CECR2: variants seen among roughly 807,000 people sequenced by gnomAD.
CECR2 encodes the protein CECR2 histone acetyl-lysine reader, also known as chromatin remodeling regulator CECR2.
CECR2 carries 30 observed loss-of-function variants against 154.5 expected under a neutral mutation model. The observed-to-expected ratio is 0.19, with a 90% confidence interval of 0.15 to 0.26. The LOEUF (loss-of-function observed/expected upper bound fraction) is 0.26, where lower values mean the gene tolerates loss of function less well. Among genes scored for constraint, CECR2 ranks in the 10% least tolerant of loss-of-function variants. The pLI, the probability that CECR2 is intolerant of heterozygous loss-of-function variation, is 1.00. For synonymous variants in CECR2, 725 were observed against 683.7 expected (o/e 1.06, Z -0.94); for missense variants, 1,743 against 1,829.3 (o/e 0.95, Z 0.86).
chr22:17,539,212 G>T (rs1037196017), intron 13 of CECR2, 93 bp downstream of exon 13: 1 of 1,378,046 alleles, frequency 7.3e-7, no homozygotes, highest in Non-Finnish European at 1.0e-6. Context: ...TGCCTTTTCT[G>T]TAGGACAGTG....
At chr22:17,497,781 T>C (rs767522923) in intron 3 of CECR2, among the ~76,000 whole-genome samples, 195 bp downstream of exon 3, 55 of 152,194 alleles carry the variant, frequency 3.6e-4, no homozygotes, top group Non-Finnish European at 7.3e-4. Context: ...TACATCCCTA[T>C]GGAAGTACGT....
rs115293708 is a variant in CECR2 at position 17,412,231 on chromosome 22, A to G, written c.126+42322A>G. Among the ~76,000 whole-genome samples, 228 of 152,328 alleles carry G rather than the reference A, an allele frequency of 1.5e-3. 1 individual carries two copies. Among genetic ancestry groups the G allele is most frequent in the African/African-American group, 5.2e-3 (216 of 41,564 alleles). Reference sequence around the variant, plus strand: ...GCAGTTCTGTTTACTATAACTAGAAAAGACTGGGGAAGGGTCATTTCTATT... The same window carrying G: ...GCAGTTCTGTTTACTATAACTAGAAGAGACTGGGGAAGGGTCATTTCTATT... On this transcript the variant is annotated intron_variant, in intron 1 of 18. Transcript: ENST00000262608.
At chr22:17,549,825 C>T (rs1238159176) in intron 17 of CECR2, among the ~76,000 whole-genome samples, 15 of 143,506 alleles carry the variant, frequency 1.0e-4, no homozygotes, top group African/African-American at 3.1e-4. Flanking sequence ...AGGGTTTCAC[C>T]GTGTTGCCCA....
chr22:17,373,327 A>G (rs1264743446), intron 1 of CECR2, among the ~76,000 whole-genome samples: 2 of 152,250 alleles, frequency 1.3e-5, no homozygotes, highest in African/African-American at 4.8e-5. Context: ...TTAGTTTTAG[A>G]TAAGAAACCT....
chr22:17,541,866 C>T lies in CECR2; in HGVS notation c.1912C>T (p.Pro638Ser), dbSNP rs1398987540. The T allele has an allele frequency of 6.2e-7, 1 of 1,613,776 alleles. No homozygotes were observed. The highest frequency in any genetic ancestry group is 8.5e-7 in the Non-Finnish European group (1 of 1,179,852). ...GCCAGCAGTACCAGGAACATTTGGC[C>T]CTCTGCGAGGATCAGATCCTGCCAC... ...MRPAVPGTFG[P>S]LRGSDPATLY... is the part of the protein sequence containing the mutation. The change falls in exon 15 of 19, where the codon CCT becomes TCT. Residue 638 changes from proline to serine, a missense_variant. Transcript: ENST00000262608.
intron 1 of CECR2, among the ~76,000 whole-genome samples, chr22:17,431,516 A>T (rs2054421970): frequency 6.6e-6 from 1 of 152,218 alleles, no homozygotes; most frequent in Admixed American, 6.5e-5. Context: ...GATCCATTCC[A>T]TCTGGAGCTA....
Position 17,552,014 on chromosome 22 carries a change from CT to C in CECR2, c.4278-14del. The C allele has an allele frequency of 6.2e-7, 1 of 1,611,352 alleles. No homozygotes were observed. The highest frequency in any genetic ancestry group is 8.5e-7 in the Non-Finnish European group (1 of 1,177,528). On this transcript the variant is annotated splice_polypyrimidine_tract_variant and intron_variant, in intron 17 of 18. Coordinates refer to ENST00000262608, the MANE Select transcript of CECR2 (RefSeq NM_001290047.2). ...CGTCTTCATTAATTCTTCATTGCTT[CT>C]TTCTCGTGGCTGTAGAATGCAGATG...
intron 1 of CECR2, among the ~76,000 whole-genome samples, chr22:17,427,850 G>T (rs2518741): frequency 0.48 from 73,514 of 151,892 alleles, 18,247 homozygotes; most frequent in African/African-American, 0.59. Context: ...CAGAAGCCCA[G>T]CTGGCTTCAT....
rs185214092 is a variant in CECR2, at chr22:17,457,686, G to C, written c.127-19902G>C. On this transcript the variant is annotated intron_variant, in intron 1 of 18. Transcript: ENST00000262608. ...CACTTTTGGGGCATTTATGCCAAAGGAAAAACCTGTAGATGAATACACATA... is the reference window on the plus strand; with the variant it reads ...CACTTTTGGGGCATTTATGCCAAAGCAAAAACCTGTAGATGAATACACATA... 1.2e-4 allele frequency among the ~76,000 whole-genome samples: 18 copies of C among 152,240 alleles called. No homozygotes were observed. The East Asian group carries it at 1.7e-3, about 15-fold the overall frequency.
intron 9 of CECR2, among the ~76,000 whole-genome samples, chr22:17,534,286 AG>A (rs1038741305): frequency 3.9e-4 from 60 of 152,290 alleles, no homozygotes; most frequent in African/African-American, 1.4e-3. Context: ...TGATCCCAAC[AG>A]AGCGAGACCC....
intron 1 of CECR2, among the ~76,000 whole-genome samples, chr22:17,422,021 C>T (rs560438369): frequency 1.0e-3 from 144 of 143,814 alleles, no homozygotes; most frequent in Non-Finnish European, 1.5e-3. Flanking sequence ...CACTTTATTT[C>T]ACTCCCCTCG....
chr22:17,537,906 A>G (rs2056461798), intron 10 of CECR2, among the ~76,000 whole-genome samples: 1 of 151,952 alleles, frequency 6.6e-6, no homozygotes, highest in Non-Finnish European at 1.5e-5. Flanking sequence ...AGGCAGGAGA[A>G]TCACTTGAAC....
intron 1 of CECR2, among the ~76,000 whole-genome samples, chr22:17,398,192 GT>G (rs1341714062): frequency 6.7e-6 from 1 of 149,748 alleles, no homozygotes; most frequent in African/African-American, 2.5e-5. Context: ...TTGCATTTTG[GT>G]ATAACAAAGT....
At chr22:17,544,853 C>A (rs1214152514) in intron 16 of CECR2, among the ~76,000 whole-genome samples, 1 of 146,560 alleles carries the variant, frequency 6.8e-6, no homozygotes, top group Non-Finnish European at 1.5e-5. Context: ...TGCCTATAGT[C>A]CCAGCTACTT....
At chr22:17,433,528 C>G (rs1368362218) in intron 1 of CECR2, among the ~76,000 whole-genome samples, 1 of 152,184 alleles carries the variant, frequency 6.6e-6, no homozygotes, top group African/African-American at 2.4e-5. Context: ...TCACTGCAGC[C>G]TTGACCTCCT....
At chr22:17,413,658 A>G (rs1183691487) in intron 1 of CECR2, among the ~76,000 whole-genome samples, 1 of 151,328 alleles carries the variant, frequency 6.6e-6, no homozygotes, top group African/African-American at 2.5e-5. Flanking sequence ...TGCATTTGGA[A>G]GGAGGATTAT....
chr22:17,460,018 C>T (rs2054913026), intron 1 of CECR2, among the ~76,000 whole-genome samples: 3 of 152,160 alleles, frequency 2.0e-5, no homozygotes, highest in Non-Finnish European at 4.4e-5. Flanking sequence ...TTCTCTTCCT[C>T]TTCCTTTCTC....
chr22:17,513,236 G>A (rs2055991387), intron 8 of CECR2, among the ~76,000 whole-genome samples: 1 of 152,056 alleles, frequency 6.6e-6, no homozygotes, highest in Non-Finnish European at 1.5e-5. Flanking sequence ...CTGTAGGAAG[G>A]GACAACACTT....
intron 1 of CECR2, among the ~76,000 whole-genome samples, chr22:17,426,704 G>A (rs911936030): frequency 1.3e-5 from 2 of 152,090 alleles, no homozygotes; most frequent in African/African-American, 4.8e-5. Context: ...TGCAGTTTAT[G>A]TTTTGGAGAA....
Sources: allele counts gnomAD v4.1 joint callset (sites outside exome capture counted in the v4.1 genomes callset), GRCh38; gene constraint gnomAD v4.1.1; transcripts MANE v1.5; gene names NCBI Gene and HGNC (gene_info 2026-07-23, HGNC 2026-07-21).